The following DNAJC1 variants were observed in gnomAD, a reference collection of about 807,000 sequenced individuals.
DNAJC1 encodes the protein DnaJ heat shock protein family (Hsp40) member C1.
A neutral mutation model predicts 76.6 loss-of-function variants in DNAJC1; 58 were observed. The observed-to-expected ratio is 0.76, with a 90% confidence interval of 0.61 to 0.94. The LOEUF is 0.94. DNAJC1 is among the 40% of genes least tolerant of loss of function. The pLI, the probability that DNAJC1 is intolerant of heterozygous loss-of-function variation, is 0.00. For missense variants in DNAJC1, 689 were observed against 677.3 expected (o/e 1.02, Z -0.19); for synonymous variants, 258 against 267.9 (o/e 0.96, Z 0.36).
At chr10:21,910,593 T>C (rs1590044830) in intron 6 of DNAJC1, among the ~76,000 whole-genome samples, 4 of 151,932 alleles carry the variant, frequency 2.6e-5, no homozygotes, top group Admixed American at 2.0e-4. Context: ...TTCTCACTCA[T>C]AAGTGGGAGC....
intron 8 of DNAJC1, among the ~76,000 whole-genome samples, chr10:21,840,931 C>A (rs1343093335): frequency 1.3e-5 from 2 of 152,080 alleles, no homozygotes; most frequent in African/African-American, 2.4e-5. Context: ...CAGAACAGAG[C>A]CCTCAGAAAT....
intron 7 of DNAJC1, among the ~76,000 whole-genome samples, chr10:21,891,476 C>CAAAAAAAAAAAAAAAAAGAA (rs1836461383): frequency 2.6e-5 from 1 of 38,862 alleles, no homozygotes; most frequent in Non-Finnish European, 5.1e-5. Flanking sequence ...ACAAAGTAGA[C>CAAAAAAAAAAAAAAAAAGAA]AAAAAAAAAA....
chr10:21,821,729 T>A (rs1014083704), intron 8 of DNAJC1, among the ~76,000 whole-genome samples: 2 of 152,202 alleles, frequency 1.3e-5, no homozygotes, highest in African/African-American at 4.8e-5. Flanking sequence ...GACATTTTTA[T>A]GTCTCAAGGG....
chr10:21,870,577 G>A (rs991005415), intron 8 of DNAJC1, among the ~76,000 whole-genome samples: 1 of 151,940 alleles, frequency 6.6e-6, no homozygotes, highest in Non-Finnish European at 1.5e-5. Context: ...AGTTGGAGAC[G>A]AGCCTAGGTA....
chr10:21,908,164 AT>A (rs1245250555), intron 6 of DNAJC1, among the ~76,000 whole-genome samples: 12 of 106,008 alleles, frequency 1.1e-4, no homozygotes, highest in Non-Finnish European at 1.9e-4. Flanking sequence ...ATATATAAAA[AT>A]ATATAATATA....
At chr10:21,772,475 A>G (rs1272882508) in intron 9 of DNAJC1, among the ~76,000 whole-genome samples, 2 of 151,946 alleles carry the variant, frequency 1.3e-5, no homozygotes, top group Non-Finnish European at 2.9e-5. Context: ...CCAGGAATTT[A>G]TTCATTTCAC....
intron 6 of DNAJC1, among the ~76,000 whole-genome samples, chr10:21,915,726 G>T (rs1281658777): frequency 6.6e-6 from 1 of 151,900 alleles, no homozygotes; most frequent in African/African-American, 2.4e-5. Flanking sequence ...AAAAGGATGA[G>T]ATATGAGTAA....
At chr10:21,838,272 G>A (rs370187204) in intron 8 of DNAJC1, among the ~76,000 whole-genome samples, 2 of 152,248 alleles carry the variant, frequency 1.3e-5, no homozygotes, top group Non-Finnish European at 1.5e-5. Flanking sequence ...ATTTTGTTCT[G>A]TACTAAGAAA....
At chr10:21,790,602 A>G (rs1037883213) in intron 9 of DNAJC1, among the ~76,000 whole-genome samples, 4 of 152,062 alleles carry the variant, frequency 2.6e-5, no homozygotes, top group Non-Finnish European at 5.9e-5. Flanking sequence ...AGCAAAAACT[A>G]AGAGAATTCA....
At chr10:21,955,210 T>A (rs1837658449) in intron 1 of DNAJC1, among the ~76,000 whole-genome samples, 1 of 152,206 alleles carries the variant, frequency 6.6e-6, no homozygotes, top group South Asian at 2.1e-4. Context: ...CAGGAACAAA[T>A]GATAAACAAT....
At chr10:21,808,023 CAA>C (rs761420649) in intron 8 of DNAJC1, among the ~76,000 whole-genome samples, 29 of 152,034 alleles carry the variant, frequency 1.9e-4, no homozygotes, top group Admixed American at 3.3e-4. Flanking sequence ...TTCAGAAATG[CAA>C]AAGACTTAAG....
intron 8 of DNAJC1, among the ~76,000 whole-genome samples, chr10:21,806,786 A>G (rs1050772292): frequency 6.6e-6 from 1 of 152,096 alleles, no homozygotes; most frequent in Non-Finnish European, 1.5e-5. Context: ...CATGTAAAGC[A>G]GCATTTCATT....
intron 8 of DNAJC1, among the ~76,000 whole-genome samples, chr10:21,877,028 A>C (rs1272041309): frequency 6.6e-6 from 1 of 152,004 alleles, no homozygotes; most frequent in Non-Finnish European, 1.5e-5. Context: ...TAATCCTAAC[A>C]CTTTGGGAGG....
chr10:21,990,374 T>G (rs1436018786), intron 1 of DNAJC1, among the ~76,000 whole-genome samples: 1 of 152,142 alleles, frequency 6.6e-6, no homozygotes, highest in African/African-American at 2.4e-5. Flanking sequence ...GATGTATTTT[T>G]TTTAAAAAAA....
intron 8 of DNAJC1, among the ~76,000 whole-genome samples, chr10:21,880,794 T>G (rs1407088888): frequency 6.6e-6 from 1 of 152,184 alleles, no homozygotes; most frequent in Non-Finnish European, 1.5e-5. Context: ...GGCTTCAACT[T>G]AAAGTTACCA....
At chr10:21,877,350 CTGAT>C (rs1836203313) in intron 8 of DNAJC1, among the ~76,000 whole-genome samples, 1 of 151,380 alleles carries the variant, frequency 6.6e-6, no homozygotes, top group African/African-American at 2.4e-5. Context: ...AAAAGGCAGA[CTGAT>C]TAATATAATT....
At chr10:21,985,976 C>A (rs901815766) in intron 1 of DNAJC1, among the ~76,000 whole-genome samples, 1 of 152,028 alleles carries the variant, frequency 6.6e-6, no homozygotes, top group African/African-American at 2.4e-5. Context: ...GCCTGTAATC[C>A]CAGCACTCTG....
chr10:21,901,478 T>A (rs150097141), intron 7 of DNAJC1, among the ~76,000 whole-genome samples: 2 of 152,308 alleles, frequency 1.3e-5, no homozygotes, highest in East Asian at 3.9e-4. Flanking sequence ...ATTCAACTTA[T>A]TTAAACCTAA....
intron 1 of DNAJC1, among the ~76,000 whole-genome samples, chr10:21,950,936 A>G (rs1022940780): frequency 2.6e-5 from 4 of 152,234 alleles, no homozygotes; most frequent in Non-Finnish European, 5.9e-5. Context: ...TAAGGAAAGC[A>G]GCCATCTCCA....
Sources: gnomAD v4.1 joint callset for allele counts (sites outside exome capture counted in the v4.1 genomes callset) on GRCh38, gnomAD v4.1.1 for gene constraint, MANE v1.5 for transcripts, NCBI Gene and HGNC (gene_info 2026-07-23, HGNC 2026-07-21) for gene names.